LIPA: variants seen among roughly 807,000 people sequenced by gnomAD.
LIPA encodes the protein lysosomal acid lipase/cholesteryl ester hydrolase.
LIPA carries 26 observed loss-of-function variants against 40.6 expected under a neutral mutation model. That is an observed-to-expected ratio of 0.64 (90% CI 0.47 to 0.89). The LOEUF (loss-of-function observed/expected upper bound fraction) is 0.89, where lower values mean the gene tolerates loss of function less well. Ranked by LOEUF, LIPA falls within the 40% of genes least tolerant of loss-of-function variation. LIPA has a pLI of 0.00. For missense variants in LIPA, 455 were observed against 479.6 expected (o/e 0.95, Z 0.48); for synonymous variants, 188 against 168.4 (o/e 1.12, Z -0.90).
At chr10:89,332,516 A>G (rs950871188) in intron 1 of LIPA, 7 of 1,608,492 alleles carry the variant, frequency 4.4e-6, no homozygotes, top group East Asian at 2.3e-5. Context: ...GCACAGACCT[A>G]ACAGCACCCT....
At chr10:89,341,430 G>A (rs755800549) in intron 1 of LIPA, among the ~76,000 whole-genome samples, 3 of 152,090 alleles carry the variant, frequency 2.0e-5, no homozygotes, top group Admixed American at 6.5e-5. Flanking sequence ...AACACATGGG[G>A]GAATAGCCTC....
At chr10:89,348,811 G>A (rs970727205) in intron 2 of LIPA, among the ~76,000 whole-genome samples, 13 of 152,096 alleles carry the variant, frequency 8.5e-5, no homozygotes, top group African/African-American at 3.1e-4. Context: ...GCCTGCGTGG[G>A]GGTCCTGGCA....
intron 3 of LIPA, among the ~76,000 whole-genome samples, chr10:89,235,925 G>C (rs1464675052): frequency 6.6e-6 from 1 of 152,008 alleles, no homozygotes; most frequent in Non-Finnish European, 1.5e-5. Context: ...CTATACAGTT[G>C]GTCCTTAAAC....
At chr10:89,411,252 G>C (rs1470944726) in intron 2 of LIPA, among the ~76,000 whole-genome samples, 2 of 151,848 alleles carry the variant, frequency 1.3e-5, no homozygotes, top group African/African-American at 4.8e-5. Context: ...CTCCCTTCAG[G>C]ACAGGACGGA....
At position 89,214,415 on chromosome 10, in the gene LIPA, C is replaced by G. The variant is rs1564748065; in HGVS notation, c.*413G>C. The G allele has an allele frequency of 5.6e-6, 1 of 179,960 alleles. No homozygotes were observed. The highest frequency in any genetic ancestry group is 1.2e-5 in the Non-Finnish European group (1 of 84,666). 11.1% of individuals were successfully genotyped at this position (179,960 alleles called of 1,614,324 possible). On this transcript the variant is annotated 3_prime_UTR_variant, in exon 10 of 10. Coordinates refer to ENST00000336233, the MANE Select transcript of LIPA (RefSeq NM_000235.4). ...AAGGCAAGGACATGAAAACTGCGTA[C>G]TTTTATACCTCGCTTAAGTCAGTGA...
intron 2 of LIPA, among the ~76,000 whole-genome samples, chr10:89,410,167 T>C (rs1841457787): frequency 6.6e-6 from 1 of 152,202 alleles, no homozygotes; most frequent in Non-Finnish European, 1.5e-5. Context: ...GCCATCTTAG[T>C]GTCAGAGGCT....
intron 1 of LIPA, among the ~76,000 whole-genome samples, chr10:89,293,055 T>C (rs1239302510): frequency 6.6e-6 from 1 of 152,112 alleles, no homozygotes; most frequent in East Asian, 1.9e-4. Flanking sequence ...ATCCCCATAA[T>C]CCTCATGTGT....
chr10:89,412,982 C>T (rs1318875841), intron 1 of LIPA: 1 of 183,566 alleles, frequency 5.4e-6, no homozygotes, highest in East Asian at 1.8e-4. Flanking sequence ...CATCACTTAG[C>T]TATACTTCTT....
chr10:89,226,935 T>C lies in LIPA; in HGVS notation c.498A>G (p.Glu166=). ...INFILNKTGQ[E]QVYYVGHSQG... is the part of the protein sequence containing the mutation. ...GAGAATGACCCACATAATACACTTG[T>C]TCTTGGCCAGTTTTATTCAGAATGA... Residue 166 remains glutamate, a synonymous_variant, in exon 5 of 10, where the codon GAA becomes GAG. Coordinates refer to ENST00000336233, the MANE Select transcript of LIPA (RefSeq NM_000235.4). 4 of 1,612,984 alleles carry C rather than the reference T, an allele frequency of 2.5e-6. No homozygotes were observed. The highest frequency in any genetic ancestry group is 3.4e-6 in the Non-Finnish European group (4 of 1,179,110).
At chr10:89,247,827 TTTTA>T (rs1194888085) in intron 1 of LIPA, 178 bp from the exon 2 acceptor site, 11 of 313,096 alleles carry the variant, frequency 3.5e-5, no homozygotes, top group Admixed American at 1.5e-4. Context: ...AATTTTTAAA[TTTTA>T]TTTATTTATT....
chr10:89,375,241 A>C (rs1844113460), intron 2 of LIPA, among the ~76,000 whole-genome samples: 1 of 152,222 alleles, frequency 6.6e-6, no homozygotes, highest in Non-Finnish European at 1.5e-5. Context: ...ATGTGAACCA[A>C]CTATCCCAAG....
intron 3 of LIPA, among the ~76,000 whole-genome samples, chr10:89,240,613 CT>C (rs1264507029): frequency 6.6e-6 from 1 of 152,160 alleles, no homozygotes; most frequent in Non-Finnish European, 1.5e-5. Flanking sequence ...TAAGTCAAAA[CT>C]TCAAGAGGTA....
intron 2 of LIPA, among the ~76,000 whole-genome samples, chr10:89,365,225 C>A (rs993309108): frequency 6.6e-6 from 1 of 152,168 alleles, no homozygotes; most frequent in Admixed American, 6.5e-5. Context: ...AATTCCTTAC[C>A]TAATACCACT....
chr10:89,347,681 C>A (rs1258719535), upstream of LIPA, among the ~76,000 whole-genome samples: 1 of 152,142 alleles, frequency 6.6e-6, no homozygotes. Context: ...TGAATTTAGC[C>A]AGCTTAAACA....
chr10:89,384,168 C>T (rs1212751699), intron 2 of LIPA: 1 of 1,614,068 alleles, frequency 6.2e-7, no homozygotes, highest in Admixed American at 1.7e-5. Flanking sequence ...CCACTTCTGC[C>T]TTCCTGCATC....
At chr10:89,327,057 G>T (rs1430228063) in intron 1 of LIPA, among the ~76,000 whole-genome samples, 1 of 152,204 alleles carries the variant, frequency 6.6e-6, no homozygotes, top group East Asian at 1.9e-4. Context: ...CAGATTCAAA[G>T]ATTTTCTGAT....
At chr10:89,252,372 G>A (rs915375768), upstream of LIPA, among the ~76,000 whole-genome samples, 3 of 152,130 alleles carry the variant, frequency 2.0e-5, no homozygotes, top group Non-Finnish European at 4.4e-5. Context: ...AGACAGTGGA[G>A]GTATAGAAAC....
At chr10:89,233,275 C>G (rs973084500) in intron 3 of LIPA, among the ~76,000 whole-genome samples, 2 of 152,172 alleles carry the variant, frequency 1.3e-5, no homozygotes, top group Non-Finnish European at 2.9e-5. Context: ...TCTGGAGAAT[C>G]TGGGCCAAGC....
At position 89,357,773 on chromosome 10, in the gene LIPA, T is replaced by C. The variant is rs545481761; in HGVS notation, c.61+55018A>G. On this transcript the variant is annotated intron_variant, in intron 2 of 8. Transcript: ENST00000371837. ...AATAAAAGAATTTTAAAGGTAGCTA[T>C]GTTCAATTTTTATTTGAAAGCATCA... Among the ~76,000 whole-genome samples, 7 of 152,332 alleles carry C rather than the reference T, an allele frequency of 4.6e-5. No individual in the cohort carries two copies. In the East Asian group the frequency reaches 1.3e-3, roughly 29 times the overall value.
Sources: gnomAD v4.1 joint callset for allele counts (sites outside exome capture counted in the v4.1 genomes callset) on GRCh38, gnomAD v4.1.1 for gene constraint, MANE v1.5 for transcripts, NCBI Gene and HGNC (gene_info 2026-07-23, HGNC 2026-07-21) for gene names.